PCSK9: variants seen among roughly 807,000 people sequenced by gnomAD.
PCSK9 encodes proprotein convertase subtilisin/kexin type 9.
PCSK9 carries 57 observed loss-of-function variants against 62.1 expected under a neutral mutation model. The ratio of observed to expected loss-of-function variants is 0.92; its 90% confidence interval spans 0.74 to 1.14. The LOEUF (loss-of-function observed/expected upper bound fraction) is 1.14, where lower values mean the gene tolerates loss of function less well. Among genes scored for constraint, PCSK9 ranks in the 50% most tolerant of loss-of-function variants. The pLI, the probability that PCSK9 is intolerant of heterozygous loss-of-function variation, is 0.00. For missense variants in PCSK9, 870 were observed against 959.8 expected, an observed-to-expected ratio of 0.91 and a Z score of 1.24; for synonymous variants, 387 against 409.4, an observed-to-expected ratio of 0.95 and a Z score of 0.66.
At position 55,063,492 on chromosome 1, in the gene PCSK9, A is replaced by G. The variant is rs1325251210; in HGVS notation, c.1987A>G (p.Thr663Ala). 3 of 1,613,958 alleles carry G rather than the reference A, an allele frequency of 1.9e-6. No homozygotes were observed. The highest frequency in any genetic ancestry group is 8.5e-7 in the Non-Finnish European group (1 of 1,179,884). Residue 663 changes from threonine to alanine, a missense_variant, in exon 12 of 12, where the codon ACT becomes GCT. Coordinates refer to ENST00000302118, the MANE Select transcript of PCSK9 (RefSeq NM_174936.4). Reference sequence around the variant, plus strand: ...TGTAGTCAGGAGCCGGGACGTCAGCACTACAGGCAGCACCAGCGAAGGGGC... The same window carrying G: ...TGTAGTCAGGAGCCGGGACGTCAGCGCTACAGGCAGCACCAGCGAAGGGGC... ...TCVVRSRDVS[T>A]TGSTSEGAVT...
intron 9 of PCSK9, among the ~76,000 whole-genome samples, 182 bp downstream of exon 9, chr1:55,058,829 C>T (rs896232792): frequency 1.1e-4 from 16 of 152,146 alleles, no homozygotes; most frequent in African/African-American, 3.6e-4. Flanking sequence ...CCTCACTTCA[C>T]GCGGCTGGGG....
chr1:55,039,953 A>T lies in PCSK9; in HGVS notation c.116A>T (p.Glu39Val), dbSNP rs1644585712. The part of the protein sequence containing the change: ...RAQEDEDGDY[E>V]ELVLALRSEE... Reference sequence around the variant, plus strand: ...CAGGAGGACGAGGACGGCGACTACGAGGAGCTGGTGCTAGCCTTGCGTTCC... The same window carrying T: ...CAGGAGGACGAGGACGGCGACTACGTGGAGCTGGTGCTAGCCTTGCGTTCC... Residue 39 changes from glutamate (E) to valine (V), a missense_variant, in exon 1 of 12, where the codon GAG (glutamate) becomes GTG (valine). Coordinates refer to ENST00000302118, the MANE Select transcript of PCSK9 (RefSeq NM_174936.4). 1.9e-6 allele frequency: 3 copies of T among 1,576,566 alleles called. No homozygotes were observed.
chr1:55,043,925 G>A lies in PCSK9; in HGVS notation c.290G>A (p.Arg97His), dbSNP rs376385276. 119 of 1,614,162 alleles carry A rather than the reference G, an allele frequency of 7.4e-5. No homozygotes were observed. The highest frequency in any genetic ancestry group is 4.3e-4 in the South Asian group (39 of 91,090). ...HLSQSERTAR[R>H]LQAQAARRGY... ...TCGCAGTCAGAGCGCACTGCCCGCCGCCTGCAGGCCCAGGCTGCCCGCCGG... is the reference window on the plus strand; with the variant it reads ...TCGCAGTCAGAGCGCACTGCCCGCCACCTGCAGGCCCAGGCTGCCCGCCGG... The change falls in exon 2 of 12, where the codon CGC becomes CAC. Residue 97 changes from arginine (R) to histidine (H), a missense_variant. Physicochemically the swap from Arg to His is conservative, Grantham distance 29. Transcript: ENST00000302118.
chr1:55,052,802 G>A lies in PCSK9; in HGVS notation c.799+11G>A, dbSNP rs753603237. On this transcript the variant is annotated intron_variant, in intron 5 of 11. Coordinates refer to ENST00000302118, the MANE Select transcript of PCSK9 (RefSeq NM_174936.4). ...GCGGCACCCTCATAGGTAAGTGATG[G>A]CCCCAGACGCTGGTCTCTCTCCATC... is the stretch of plus-strand genomic sequence containing the variant. The A allele has an allele frequency of 6.2e-6, 10 of 1,612,950 alleles. No homozygotes were observed. The South Asian group carries it at 1.1e-4, about 18-fold the overall frequency.
rs1209857403 is a variant in PCSK9 at position 55,039,553 on chromosome 1, C to T, written c.-285C>T. On this transcript the variant is annotated 5_prime_UTR_variant, in exon 1 of 12. The change creates a new upstream start codon in the 5' untranslated region. Transcript: ENST00000302118. ...ACACCCTAGAAGGTTTCCGCAGCGACGTCGAGGCGCTCATGGTTGCAGGCG... is the reference window on the plus strand; with the variant it reads ...ACACCCTAGAAGGTTTCCGCAGCGATGTCGAGGCGCTCATGGTTGCAGGCG... 1 of 550,332 alleles carries T rather than the reference C, an allele frequency of 1.8e-6. No homozygotes were observed. The highest frequency in any genetic ancestry group is 3.3e-6 in the Non-Finnish European group (1 of 307,230). 34.1% of individuals were successfully genotyped at this position (550,332 alleles called of 1,614,324 possible).
chr1:55,056,861 G>A (rs1407236797), intron 6 of PCSK9, among the ~76,000 whole-genome samples: 1 of 152,184 alleles, frequency 6.6e-6, no homozygotes, highest in Non-Finnish European at 1.5e-5. Context: ...AAGTCTGTGT[G>A]TGTGCGTGCG....
At chr1:55,048,468 T>C (rs1320288647) in intron 3 of PCSK9, among the ~76,000 whole-genome samples, 4 of 152,178 alleles carry the variant, frequency 2.6e-5, no homozygotes, top group Non-Finnish European at 4.4e-5. Flanking sequence ...TTCTTCCCCA[T>C]AGGATGCCCA....
Position 55,046,671 on chromosome 1 carries a change from C to T in PCSK9, c.523+25C>T, listed in dbSNP as rs28362224. ...GGTAAGACCCCCATCTGTGCCCTGCCCCACCCCATCTGAGCTGAATCCATT... is the reference window on the plus strand; with the variant it reads ...GGTAAGACCCCCATCTGTGCCCTGCTCCACCCCATCTGAGCTGAATCCATT... On this transcript the variant is annotated intron_variant, in intron 3 of 11. Coordinates refer to ENST00000302118, the MANE Select transcript of PCSK9 (RefSeq NM_174936.4). 360 of 1,612,514 alleles carry T rather than the reference C, an allele frequency of 2.2e-4. 2 individuals carry two copies. In the African/African-American group the frequency reaches 4.4e-3, roughly 20 times the overall value.
In PCSK9 at chr1:55,043,902, G is replaced by T. The variant is rs373551845; in HGVS notation, c.267G>T (p.Ser89=). 1.2e-6 allele frequency: 2 copies of T among 1,614,184 alleles called. No homozygotes were observed. The highest frequency in any genetic ancestry group is 1.7e-6 in the Non-Finnish European group (2 of 1,180,036). The change falls in exon 2 of 12, where the codon TCG becomes TCT. Residue 89 remains serine, a synonymous_variant. Transcript: ENST00000302118. ...TGCTGAAGGAGGAGACCCACCTCTC[G>T]CAGTCAGAGCGCACTGCCCGCCGCC... The part of the protein sequence containing the change: ...VVVLKEETHL[S]QSERTARRLQ...
Position 55,039,903 on chromosome 1 carries a change from C to T in PCSK9, c.66C>T (p.Leu22=), listed in dbSNP as rs926463199. ...PLPLLLLLLL[L]LGPAGARAQE... ...CACTGCTGCTGCTGCTGCTGCTGCT[C>T]CTGGGTCCCGCGGGCGCCCGTGCGC... Residue 22 remains leucine, a synonymous_variant, in exon 1 of 12, where the codon CTC becomes CTT. Coordinates refer to ENST00000302118, the MANE Select transcript of PCSK9 (RefSeq NM_174936.4). 13 of 1,554,608 alleles carry T rather than the reference C, an allele frequency of 8.4e-6. No homozygotes were observed. Among genetic ancestry groups the T allele is most frequent in the East Asian group, 4.7e-5 (2 of 42,210 alleles).
intron 5 of PCSK9, among the ~76,000 whole-genome samples, chr1:55,054,591 C>T (rs1328391061): frequency 6.6e-6 from 1 of 152,126 alleles, no homozygotes; most frequent in African/African-American, 2.4e-5. Context: ...GCTCCCACAC[C>T]TCATTTGACA....
At chr1:55,047,101 G>A (rs942008578) in intron 3 of PCSK9, among the ~76,000 whole-genome samples, 11 of 152,110 alleles carry the variant, frequency 7.2e-5, no homozygotes, top group Non-Finnish European at 7.4e-5. Flanking sequence ...CTCCAGCTCC[G>A]TTTGGCTTCC....
In PCSK9 at chr1:55,057,586, G is replaced by A. The variant is rs904485378; in HGVS notation, c.1180+72G>A. 18 of 1,510,294 alleles carry A rather than the reference G, an allele frequency of 1.2e-5. No homozygotes were observed. In the Admixed American group the frequency reaches 3.1e-4, roughly 26 times the overall value. 93.6% of individuals were successfully genotyped at this position (1,510,294 alleles called of 1,614,324 possible). ...CTTTGGCAGTCAGGGTCTGTGCCGG[G>A]ACCTCCAGTGCCAGGCTCTGTGCAG... On this transcript the variant is annotated intron_variant, in intron 7 of 11. Transcript: ENST00000302118.
chr1:55,051,285 GAC>G, intron 3 of PCSK9: 1 of 448,874 alleles, frequency 2.2e-6, no homozygotes. Context: ...CAGTTTGACT[GAC>G]AGCCCAGAGG....
intron 5 of PCSK9, among the ~76,000 whole-genome samples, chr1:55,055,312 CAG>C (rs1201725203): frequency 8.2e-6 from 1 of 122,272 alleles, no homozygotes; most frequent in Non-Finnish European, 1.9e-5. Context: ...AGCCAGGCCT[CAG>C]AGAGTGGCGG....
At chr1:55,044,896 G>A (rs1014961301) in intron 2 of PCSK9, among the ~76,000 whole-genome samples, 6 of 152,252 alleles carry the variant, frequency 3.9e-5, no homozygotes, top group African/African-American at 7.2e-5. Flanking sequence ...GGCCTGTGGC[G>A]CCATGACAGG....
rs557227031 is a variant in PCSK9 at position 55,059,530 on chromosome 1, G to A, written c.1548G>A (p.Gly516=). The A allele has an allele frequency of 1.9e-5, 30 of 1,564,136 alleles. 1 individual carries two copies. The South Asian group carries it at 3.4e-4, about 18-fold the overall frequency. ...KLVCRAHNAF[G]GEGVYAIARC... is the part of the protein sequence containing the mutation. ...TCTGCCGGGCCCACAACGCTTTTGG[G>A]GGTGAGGGTGTCTACGCCATTGCCA... Residue 516 remains glycine (G), a synonymous_variant, in exon 10 of 12, where the codon GGG becomes GGA. Coordinates refer to ENST00000302118, the MANE Select transcript of PCSK9 (RefSeq NM_174936.4).
Position 55,063,555 on chromosome 1 carries a change from C to T in PCSK9, c.2050C>T (p.Leu684=). 6.2e-7 allele frequency: 1 copy of T among 1,612,770 alleles called. No individual in the cohort carries two copies. Among genetic ancestry groups the T allele is most frequent in the Non-Finnish European group, 8.5e-7 (1 of 1,179,904 alleles). The change falls in exon 12 of 12, where the codon CTG becomes TTG. Residue 684 remains leucine, a synonymous_variant. Coordinates refer to ENST00000302118, the MANE Select transcript of PCSK9 (RefSeq NM_174936.4). ...TGCCATCTGCTGCCGGAGCCGGCACCTGGCGCAGGCCTCCCAGGAGCTCCA... is the reference window on the plus strand; with the variant it reads ...TGCCATCTGCTGCCGGAGCCGGCACTTGGCGCAGGCCTCCCAGGAGCTCCA... The part of the protein sequence containing the change: ...AVAICCRSRH[L]AQASQELQ
rs759250273 is a variant in PCSK9 at position 55,058,125 on chromosome 1, A to G, written c.1270A>G (p.Ile424Val). The change falls in exon 8 of 12, where the codon ATC becomes GTC. Residue 424 changes from isoleucine to valine, a missense_variant. By Grantham distance (29) the Ile-to-Val change is conservative. Coordinates refer to ENST00000302118, the MANE Select transcript of PCSK9 (RefSeq NM_174936.4). ...RLIHFSAKDV[I>V]NEAWFPEDQR... is the part of the protein sequence containing the mutation. ...GATCCACTTCTCTGCCAAAGATGTCATCAATGAGGCCTGGTTCCCTGAGGA... is the reference window on the plus strand; with the variant it reads ...GATCCACTTCTCTGCCAAAGATGTCGTCAATGAGGCCTGGTTCCCTGAGGA... The G allele has an allele frequency of 1.1e-4, 183 of 1,613,568 alleles. 3 individuals carry two copies. The East Asian group carries it at 4.1e-3, about 36-fold the overall frequency.
Sources: gnomAD v4.1 joint callset for allele counts (sites outside exome capture counted in the v4.1 genomes callset) on GRCh38, gnomAD v4.1.1 for gene constraint, MANE v1.5 for transcripts, NCBI Gene and HGNC (gene_info 2026-07-23, HGNC 2026-07-21) for gene names.